The following HSP90B1 variants were observed in gnomAD, a reference collection of about 807,000 sequenced individuals.
HSP90B1 encodes the protein heat shock protein 90 beta family member 1, also known as endoplasmin.
HSP90B1 carries 27 observed loss-of-function variants against 100.4 expected under a neutral mutation model. The ratio of observed to expected loss-of-function variants is 0.27; its 90% confidence interval spans 0.20 to 0.37. The LOEUF (loss-of-function observed/expected upper bound fraction) is 0.37. Ranked by LOEUF, HSP90B1 falls within the 10% of genes least tolerant of loss-of-function variation. The pLI, the probability that HSP90B1 is intolerant of heterozygous loss-of-function variation, is 1.00. For synonymous variants in HSP90B1, 304 were observed against 330.8 expected (o/e 0.92, Z 0.88); for missense variants, 678 against 960.5 (o/e 0.71, Z 3.89).
At chr12:103,937,132 G>A (rs999142826) in intron 5 of HSP90B1, among the ~76,000 whole-genome samples, 2 of 152,190 alleles carry the variant, frequency 1.3e-5, no homozygotes, top group African/African-American at 4.8e-5. Flanking sequence ...GCGATCACCA[G>A]CCACATGTGA....
intron 5 of HSP90B1, among the ~76,000 whole-genome samples, chr12:103,935,494 G>T (rs1479563692): frequency 6.6e-6 from 1 of 152,034 alleles, no homozygotes; most frequent in East Asian, 1.9e-4. Flanking sequence ...TAACATTAAG[G>T]GAAAGAAGCA....
At chr12:103,945,924 A>T (rs74548913) in intron 14 of HSP90B1, among the ~76,000 whole-genome samples, 2,203 of 152,210 alleles carry the variant, frequency 0.014, 119 homozygotes, top group Admixed American at 0.1. Context: ...TCTCTATAAA[A>T]ACTAAATAAG....
In HSP90B1 at chr12:103,947,314, G is replaced by A. The variant is rs767056897; in HGVS notation, c.2266G>A (p.Glu756Lys). 1.3e-6 allele frequency: 2 copies of A among 1,595,372 alleles called. No individual in the cohort carries two copies. The highest frequency in any genetic ancestry group is 1.7e-6 in the Non-Finnish European group (2 of 1,173,816). ...GGCCCATAAATGTTGTGTTTAGGTG[G>A]AAGAAGAGCCCGAAGAAGAACCTGA... is the stretch of plus-strand genomic sequence containing the variant. ...SLNIDPDAKV[E>K]EEPEEEPEET... Residue 756 changes from glutamate to lysine, a missense_variant, in exon 17 of 18, where the codon GAA becomes AAA. Glu to Lys is a moderately conservative substitution (Grantham distance 56, BLOSUM62 1). Coordinates refer to ENST00000299767, the MANE Select transcript of HSP90B1 (RefSeq NM_003299.3).
rs772602389 is a variant in HSP90B1, at chr12:103,932,400, A to T, written c.276A>T (p.Ser92=). 1.9e-6 allele frequency: 3 copies of T among 1,611,780 alleles called. No homozygotes were observed. Among genetic ancestry groups the T allele is most frequent in the Non-Finnish European group, 2.5e-6 (3 of 1,179,036 alleles). ...GAATGATGAAACTTATCATCAATTCATTGTATAAAAATAAAGAGGTAAGCA... is the reference window on the plus strand; with the variant it reads ...GAATGATGAAACTTATCATCAATTCTTTGTATAAAAATAAAGAGGTAAGCA... ...VNRMMKLIIN[S]LYKNKEIFLR... Residue 92 remains serine, a synonymous_variant, in exon 3 of 18, where the codon TCA becomes TCT. Transcript: ENST00000299767.
rs1243307517 is a variant in HSP90B1, at chr12:103,930,611, C to G, written c.49+47C>G. The stretch of plus-strand genomic sequence containing the variant: ...GACGTCCCCCCTCCACACACGCGGC[C>G]GCTTCTCGAAGGTCCTGGGGGCGTT... On this transcript the variant is annotated intron_variant, in intron 1 of 17. Transcript: ENST00000299767. This position sits in a 1 kb window ranked among gnomAD's most constrained non-coding sequence, Gnocchi z 4.4. 1 of 1,569,682 alleles carries G rather than the reference C, an allele frequency of 6.4e-7. No individual in the cohort carries two copies. The highest frequency in any genetic ancestry group is 1.4e-5 in the African/African-American group (1 of 73,876).
intron 2 of HSP90B1, 189 bp downstream of exon 2, chr12:103,931,812 C>T (rs1470603164): frequency 7.8e-6 from 5 of 638,804 alleles, no homozygotes; most frequent in Non-Finnish European, 1.5e-5. Flanking sequence ...GAGTGAATTC[C>T]TTTGAAAACT....
At chr12:103,946,324 G>A (rs1448488225) in intron 14 of HSP90B1, among the ~76,000 whole-genome samples, 2 of 152,082 alleles carry the variant, frequency 1.3e-5, no homozygotes, top group Non-Finnish European at 2.9e-5. Context: ...TCTGCCCTGT[G>A]GAACCCGTGT....
At chr12:103,935,505 CAT>C (rs1869887711) in intron 5 of HSP90B1, among the ~76,000 whole-genome samples, 1 of 152,176 alleles carries the variant, frequency 6.6e-6, no homozygotes, top group Non-Finnish European at 1.5e-5. Context: ...GAAAGAAGCA[CAT>C]ACTTATCATT....
Position 103,932,935 on chromosome 12 carries a change from A to C in HSP90B1, c.404A>C (p.Lys135Thr). 6.7e-7 allele frequency: 1 copy of C among 1,495,734 alleles called. No homozygotes were observed. 92.7% of individuals were successfully genotyped at this position (1,495,734 alleles called of 1,614,324 possible). Residue 135 changes from lysine to threonine, a missense_variant, in exon 4 of 18, where the codon AAA becomes ACA. Coordinates refer to ENST00000299767, the MANE Select transcript of HSP90B1 (RefSeq NM_003299.3). Reference sequence around the variant, plus strand: ...TCTGGAAATGAGGAACTAACAGTCAAAATTAAGGTAAGTGTAAGGCAGTTT... The same window carrying C: ...TCTGGAAATGAGGAACTAACAGTCACAATTAAGGTAAGTGTAAGGCAGTTT... ...ALSGNEELTV[K>T]IKCDKEKNLL...
In HSP90B1 at chr12:103,946,831, T is replaced by A; in HGVS notation, c.2152T>A (p.Phe718Ile). 2 of 1,614,186 alleles carry A rather than the reference T, an allele frequency of 1.2e-6. No individual in the cohort carries two copies. Among genetic ancestry groups the A allele is most frequent in the Non-Finnish European group, 1.7e-6 (2 of 1,180,024 alleles). The change falls in exon 16 of 18, where the codon TTT (phenylalanine) becomes ATT (isoleucine). Residue 718 changes from phenylalanine (F) to isoleucine (I), a missense_variant. Physicochemically the swap from Phe to Ile is conservative, Grantham distance 21. This residue lies in a region of HSP90B1 where 64 missense variants were observed against 66.4 expected (regional missense o/e 0.96). Transcript: ENST00000299767. ...AGTTTTGGATCTTGCTGTGGTTTTG[T>A]TTGAAACAGCAACGCTTCGGTCAGG... ...KTVLDLAVVL[F>I]ETATLRSGYL...
rs1434063039 is a variant in HSP90B1, at chr12:103,942,614, T to C, written c.1462T>C (p.Phe488Leu). The C allele has an allele frequency of 6.2e-7, 1 of 1,613,880 alleles. No individual in the cohort carries two copies. Among genetic ancestry groups the C allele is most frequent in the Non-Finnish European group, 8.5e-7 (1 of 1,179,866 alleles). The change falls in exon 12 of 18, where the codon TTT becomes CTT. Residue 488 changes from phenylalanine to leucine, a missense_variant. Phe to Leu is a conservative substitution (Grantham distance 22, BLOSUM62 0). Transcript: ENST00000299767. Reference sequence around the variant, plus strand: ...ATACAATGATACTTTTTGGAAAGAATTTGGTACCAACATCAAGCTTGGTGT... The same window carrying C: ...ATACAATGATACTTTTTGGAAAGAACTTGGTACCAACATCAAGCTTGGTGT... The part of the protein sequence containing the change: ...DKYNDTFWKE[F>L]GTNIKLGVIE...
At position 103,943,681 on chromosome 12, in the gene HSP90B1, T is replaced by C; in HGVS notation, c.1891-57T>C. 1.3e-6 allele frequency: 2 copies of C among 1,515,770 alleles called. No homozygotes were observed. The highest frequency in any genetic ancestry group is 1.8e-6 in the Non-Finnish European group (2 of 1,111,244). 93.9% of individuals were successfully genotyped at this position (1,515,770 alleles called of 1,614,324 possible). ...AAGTCTTAGACAGTTGAAAGACAAT[T>C]GCTCAATGACCTTACCTGTTGATAT... On this transcript the variant is annotated intron_variant, in intron 13 of 17. Coordinates refer to ENST00000299767, the MANE Select transcript of HSP90B1 (RefSeq NM_003299.3). This position sits in a 1 kb window ranked among gnomAD's most constrained non-coding sequence, Gnocchi z 5.3.
intron 5 of HSP90B1, among the ~76,000 whole-genome samples, chr12:103,934,811 C>T (rs1289994804): frequency 6.6e-6 from 1 of 152,230 alleles, no homozygotes; most frequent in Non-Finnish European, 1.5e-5. Flanking sequence ...AAGCAATTCT[C>T]CTGCCTCAGC....
chr12:103,935,001 A>G (rs1390511522), intron 5 of HSP90B1, among the ~76,000 whole-genome samples: 4 of 152,174 alleles, frequency 2.6e-5, no homozygotes, highest in Admixed American at 6.5e-5. Flanking sequence ...GTGCCCAGCC[A>G]GAATGTGATG....
At chr12:103,939,953 A>G (rs1870027440) in intron 8 of HSP90B1, among the ~76,000 whole-genome samples, 1 of 152,244 alleles carries the variant, frequency 6.6e-6, no homozygotes, top group Admixed American at 6.5e-5. Context: ...AAATTGCAGC[A>G]GTTATTAAAA....
At position 103,930,450 on chromosome 12, in the gene HSP90B1, C is replaced by T. The variant is rs748518846; in HGVS notation, c.-66C>T. ...CGGCTGGAGGTGTGAGGATCCGAAC[C>T]CAGGGGTGGGGGGTGGAGGCGGCTC... On this transcript the variant is annotated 5_prime_UTR_variant, in exon 1 of 18. Transcript: ENST00000299767. The surrounding 1 kb of genome is among the most constrained non-coding windows in gnomAD (Gnocchi z 4.4). 20 of 1,498,116 alleles carry T rather than the reference C, an allele frequency of 1.3e-5. No individual in the cohort carries two copies. Among genetic ancestry groups the T allele is most frequent in the South Asian group, 2.5e-5 (2 of 80,514 alleles). 92.8% of individuals were successfully genotyped at this position (1,498,116 alleles called of 1,614,324 possible).
chr12:103,932,929 C>CA lies in HSP90B1; in HGVS notation c.399dup (p.Val134SerfsTer4). 6.5e-7 allele frequency: 1 copy of CA among 1,536,818 alleles called. No homozygotes were observed. The highest frequency in any genetic ancestry group is 9.0e-7 in the Non-Finnish European group (1 of 1,109,926). ...GCTCTTTCTGGAAATGAGGAACTAA[C>CA]AGTCAAAATTAAGGTAAGTGTAAGG... On this transcript the variant is annotated frameshift_variant, in exon 4 of 18. Transcript: ENST00000299767. LOFTEE classifies it high-confidence loss of function.
chr12:103,934,987 T>C (rs967723385), intron 5 of HSP90B1, among the ~76,000 whole-genome samples: 5 of 152,136 alleles, frequency 3.3e-5, no homozygotes, highest in Admixed American at 2.6e-4. Flanking sequence ...AAGCATGAGC[T>C]ACCGTGCCCA....
rs1365062352 is a variant in HSP90B1, at chr12:103,937,052, AAT to A, written c.744-642_744-641del. Reference sequence around the variant, plus strand: ...GCCGGGCACAGTGGCTCACACCTGTAATCCCCGCACTGCCCGGTAGAATTTTA... The same window carrying A: ...GCCGGGCACAGTGGCTCACACCTGTACCCCGCACTGCCCGGTAGAATTTTA... On this transcript the variant is annotated intron_variant, in intron 5 of 17. Transcript: ENST00000299767. 2.0e-5 allele frequency among the ~76,000 whole-genome samples: 3 copies of A among 152,330 alleles called. No individual in the cohort carries two copies. The East Asian group carries it at 5.8e-4, about 29-fold the overall frequency.
Sources: allele counts gnomAD v4.1 joint callset (sites outside exome capture counted in the v4.1 genomes callset), GRCh38; gene constraint gnomAD v4.1.1; regional missense constraint gnomAD v4.1.1; non-coding constraint Gnocchi (gnomAD v3.1); transcripts MANE v1.5; gene names NCBI Gene and HGNC (gene_info 2026-07-23, HGNC 2026-07-21).